MYRIP: variants seen among roughly 807,000 people sequenced by gnomAD.
MYRIP encodes rab effector MyRIP.
In MYRIP, 49 loss-of-function variants were observed where a neutral mutation model predicts 98.0. The ratio of observed to expected loss-of-function variants is 0.50; its 90% CI spans 0.40 to 0.63. The LOEUF (loss-of-function observed/expected upper bound fraction) is 0.63. MYRIP is among the 30% of genes least tolerant of loss of function. MYRIP has a pLI of 0.00. For synonymous variants in MYRIP, 404 were observed against 409.5 expected (o/e 0.99, Z 0.16); for missense variants, 1,004 against 1,058.2 (o/e 0.95, Z 0.71).
At chr3:40,159,934 G>T (rs1055521899) in intron 4 of MYRIP, among the ~76,000 whole-genome samples, 3 of 152,082 alleles carry the variant, frequency 2.0e-5, no homozygotes, top group Non-Finnish European at 4.4e-5. Context: ...TTTGCCTTTG[G>T]TTTGAATGTC....
chr3:40,170,995 T>C (rs990244009), intron 8 of MYRIP, among the ~76,000 whole-genome samples: 8 of 152,188 alleles, frequency 5.3e-5, no homozygotes, highest in African/African-American at 1.9e-4. Flanking sequence ...ATAAACTCCT[T>C]TGTCCTCGCC....
intron 1 of MYRIP, among the ~76,000 whole-genome samples, chr3:39,881,394 T>C (rs1257268408): frequency 1.3e-5 from 2 of 152,186 alleles, no homozygotes; most frequent in Non-Finnish European, 2.9e-5. Context: ...GCAAGCTGTT[T>C]CCTTGCTGCT....
intron 8 of MYRIP, among the ~76,000 whole-genome samples, chr3:40,172,845 C>G (rs999861331): frequency 4.6e-5 from 7 of 152,308 alleles, no homozygotes; most frequent in Middle Eastern, 3.4e-3. Flanking sequence ...TAGAACATTT[C>G]CATCCACTCA....
intron 3 of MYRIP, among the ~76,000 whole-genome samples, chr3:40,064,815 G>T (rs998907933): frequency 6.6e-6 from 1 of 152,106 alleles, no homozygotes; most frequent in Admixed American, 6.6e-5. Flanking sequence ...CTCATCCTGG[G>T]ACTTAATTCC....
intron 1 of MYRIP, among the ~76,000 whole-genome samples, chr3:39,812,081 A>G (rs1422603230): frequency 6.6e-6 from 1 of 152,178 alleles, no homozygotes; most frequent in Non-Finnish European, 1.5e-5. Context: ...GTATAATTCC[A>G]GAAAATAATG....
intron 1 of MYRIP, among the ~76,000 whole-genome samples, chr3:39,829,224 G>A (rs747242714): frequency 8.5e-5 from 13 of 152,238 alleles, no homozygotes; most frequent in South Asian, 4.2e-4. Flanking sequence ...TTCCCTGATC[G>A]TCAGTATGAT....
At chr3:39,876,339 A>C (rs1166279870) in intron 1 of MYRIP, among the ~76,000 whole-genome samples, 1 of 152,236 alleles carries the variant, frequency 6.6e-6, no homozygotes, top group East Asian at 1.9e-4. Flanking sequence ...TAGCCCATTT[A>C]CATTTAAAGT....
Position 40,259,618 on chromosome 3 carries a change from T to C in MYRIP, c.*1452T>C, listed in dbSNP as rs1016587975. On this transcript the variant is annotated 3_prime_UTR_variant, in exon 17 of 17. Coordinates refer to ENST00000302541, the MANE Select transcript of MYRIP (RefSeq NM_015460.4). ...GTTTTCAACCTCTACGTTATTTTGCTGCTATGTGCATTTCCAGATCTGATT... is the reference window on the plus strand; with the variant it reads ...GTTTTCAACCTCTACGTTATTTTGCCGCTATGTGCATTTCCAGATCTGATT... The C allele has an allele frequency of 5.9e-5, 9 of 152,252 alleles. No individual in the cohort carries two copies. Among genetic ancestry groups the C allele is most frequent in the African/African-American group, 1.9e-4 (8 of 41,462 alleles). 9.4% of individuals were successfully genotyped at this position (152,252 alleles called of 1,614,324 possible).
chr3:40,003,066 A>G (rs1457301829), intron 2 of MYRIP, among the ~76,000 whole-genome samples: 1 of 151,646 alleles, frequency 6.6e-6, no homozygotes, highest in East Asian at 1.9e-4. Flanking sequence ...ATAAATACAT[A>G]TATAGAATCT....
At chr3:39,819,731 GA>G (rs1473747616) in intron 1 of MYRIP, among the ~76,000 whole-genome samples, 2 of 152,242 alleles carry the variant, frequency 1.3e-5, no homozygotes, top group Non-Finnish European at 2.9e-5. Flanking sequence ...ATGGTTGGGG[GA>G]TGGGCTGGAT....
chr3:39,944,559 G>A (rs1386780932), intron 2 of MYRIP, among the ~76,000 whole-genome samples: 1 of 152,100 alleles, frequency 6.6e-6, no homozygotes, highest in East Asian at 1.9e-4. Context: ...TATATGCAAA[G>A]CACAGAGCTT....
chr3:40,232,160 G>T (rs1182127468), intron 11 of MYRIP, among the ~76,000 whole-genome samples: 3 of 152,064 alleles, frequency 2.0e-5, no homozygotes, highest in African/African-American at 7.2e-5. Flanking sequence ...CTACCTTTTT[G>T]GTATGTAGCA....
At chr3:39,973,370 C>T (rs1945652123) in intron 2 of MYRIP, among the ~76,000 whole-genome samples, 1 of 152,100 alleles carries the variant, frequency 6.6e-6, no homozygotes, top group Admixed American at 6.6e-5. Context: ...AATATATATG[C>T]ACCCAATACA....
intron 2 of MYRIP, among the ~76,000 whole-genome samples, chr3:39,983,866 G>A (rs1034783750): frequency 3.4e-4 from 52 of 152,262 alleles, no homozygotes; most frequent in Middle Eastern, 3.4e-3. Context: ...AAAATTAGGT[G>A]TCAGGAAATA....
At chr3:40,195,577 T>C (rs1951365442) in intron 10 of MYRIP, among the ~76,000 whole-genome samples, 1 of 152,236 alleles carries the variant, frequency 6.6e-6, no homozygotes, top group African/African-American at 2.4e-5. Context: ...ATTACAGGCA[T>C]GAGCCACTGT....
chr3:39,916,222 T>C (rs943467601), intron 2 of MYRIP, among the ~76,000 whole-genome samples: 1 of 152,000 alleles, frequency 6.6e-6, no homozygotes, highest in African/African-American at 2.4e-5. Flanking sequence ...AATTTTTCAA[T>C]AAAAACCCCA....
chr3:40,223,011 T>C (rs962709003), intron 11 of MYRIP, among the ~76,000 whole-genome samples: 19 of 152,220 alleles, frequency 1.2e-4, no homozygotes, highest in Admixed American at 2.6e-4. Context: ...TTCAAACCAT[T>C]GAGGGGATGG....
intron 1 of MYRIP, among the ~76,000 whole-genome samples, chr3:39,834,864 T>C (rs1941573991): frequency 6.6e-6 from 1 of 151,980 alleles, no homozygotes; most frequent in Non-Finnish European, 1.5e-5. Context: ...AAGGAAACAA[T>C]ATATCACAAT....
intron 9 of MYRIP, among the ~76,000 whole-genome samples, chr3:40,183,695 A>G (rs1257795035): frequency 6.6e-6 from 1 of 152,228 alleles, no homozygotes; most frequent in Non-Finnish European, 1.5e-5. Context: ...TCAGGAGGCC[A>G]GGCATATTTG....
Sources: allele counts gnomAD v4.1 joint callset (sites outside exome capture counted in the v4.1 genomes callset), GRCh38; gene constraint gnomAD v4.1.1; transcripts MANE v1.5; gene names NCBI Gene and HGNC (gene_info 2026-07-23, HGNC 2026-07-21).